Variants in BRINP3 observed in about 807,000 individuals in gnomAD.
BRINP3 encodes the protein BMP/retinoic acid-inducible neural-specific protein 3.
A neutral mutation model predicts 71.0 loss-of-function variants in BRINP3; 19 were observed. The observed-to-expected ratio is 0.27, with a 90% CI of 0.19 to 0.39. The LOEUF is 0.39. BRINP3 is among the 10% of genes least tolerant of loss of function. The pLI, the probability that BRINP3 is intolerant of heterozygous loss-of-function variation, is 1.00. For synonymous variants in BRINP3, 380 were observed against 337.7 expected, an observed-to-expected ratio of 1.13 and a Z score of -1.37; for missense variants, 959 against 940.8, an observed-to-expected ratio of 1.02 and a Z score of -0.25.
chr1:190,115,287 C>T (rs948430093), intron 7 of BRINP3, among the ~76,000 whole-genome samples: 1 of 152,094 alleles, frequency 6.6e-6, no homozygotes, highest in Non-Finnish European at 1.5e-5. Context: ...AAAAACAATT[C>T]TCAGCAAAGT....
At chr1:190,144,168 C>A (rs1485736128) in intron 7 of BRINP3, among the ~76,000 whole-genome samples, 1 of 152,112 alleles carries the variant, frequency 6.6e-6, no homozygotes, top group Middle Eastern at 3.2e-3. Flanking sequence ...CAATTAATGT[C>A]TTTTTGAAAT....
At chr1:190,157,571 T>A (rs1656977237) in intron 7 of BRINP3, among the ~76,000 whole-genome samples, 1 of 152,098 alleles carries the variant, frequency 6.6e-6, no homozygotes, top group Admixed American at 6.6e-5. Context: ...CTTCTTGCAC[T>A]TTCTATTTTG....
Position 190,397,230 on chromosome 1 carries a change from A to C in BRINP3, c.236+57425T>G, listed in dbSNP as rs560824827. ...TCTGGCCTTTTGCATACCATTTGCA[A>C]GCCATGAAGAATCAAGAAAAATACC... On this transcript the variant is annotated intron_variant, in intron 2 of 7. Transcript: ENST00000367462. Among the ~76,000 whole-genome samples, 3 of 152,108 alleles carry C rather than the reference A, an allele frequency of 2.0e-5. No homozygotes were observed. In the South Asian group the frequency reaches 6.2e-4, roughly 32 times the overall value.
intron 6 of BRINP3, among the ~76,000 whole-genome samples, chr1:190,164,251 A>G (rs1212483896): frequency 6.6e-6 from 1 of 152,186 alleles, no homozygotes; most frequent in Non-Finnish European, 1.5e-5. Flanking sequence ...AAGATATTCT[A>G]AAGCATTCTA....
chr1:190,234,490 A>G lies in BRINP3; in HGVS notation c.619-13T>C. The G allele has an allele frequency of 6.3e-7, 1 of 1,586,434 alleles. No individual in the cohort carries two copies. The stretch of plus-strand genomic sequence containing the variant: ...GTGTTTCTGTTACCTGGCAAACAAA[A>G]CATCAACTTTATTATCTAAATCAGA... On this transcript the variant is annotated splice_polypyrimidine_tract_variant and intron_variant, in intron 4 of 7. Transcript: ENST00000367462.
chr1:190,180,302 A>G (rs1294396313), intron 6 of BRINP3, among the ~76,000 whole-genome samples: 1 of 152,144 alleles, frequency 6.6e-6, no homozygotes, highest in Non-Finnish European at 1.5e-5. Flanking sequence ...AGGTGTATCC[A>G]AATTCAGAAT....
In BRINP3 at chr1:190,187,722, T is replaced by A. The variant is rs138273384; in HGVS notation, c.962-26832A>T. 2.9e-3 allele frequency among the ~76,000 whole-genome samples: 441 copies of A among 152,228 alleles called. 3 individuals carry two copies. Among genetic ancestry groups the A allele is most frequent in the African/African-American group, 0.01 (431 of 41,574 alleles). ...ATTTATTTCAGGACTTTCTTTTCTA[T>A]TCAATTGGTCTATTTCCATGCCAGT... On this transcript the variant is annotated intron_variant, in intron 6 of 7. Coordinates refer to ENST00000367462, the MANE Select transcript of BRINP3 (RefSeq NM_199051.3).
At chr1:190,351,932 A>G (rs1668413445) in intron 2 of BRINP3, among the ~76,000 whole-genome samples, 1 of 152,186 alleles carries the variant, frequency 6.6e-6, no homozygotes, top group Non-Finnish European at 1.5e-5. Context: ...TTATTTGAAT[A>G]TGCTTTGAAT....
At chr1:190,466,097 C>T (rs1676727348) in intron 1 of BRINP3, among the ~76,000 whole-genome samples, 2 of 150,684 alleles carry the variant, frequency 1.3e-5, no homozygotes, top group Admixed American at 6.6e-5. Flanking sequence ...ACAATATTGC[C>T]CCTGCACTTT....
At position 190,195,590 on chromosome 1, in the gene BRINP3, C is replaced by T. The variant is rs117312835; in HGVS notation, c.961+30492G>A. 5.5e-4 allele frequency among the ~76,000 whole-genome samples: 83 copies of T among 152,038 alleles called. No homozygotes were observed. The East Asian group carries it at 0.013, about 23-fold the overall frequency. ...CCTTCAAATTTTCCTATGTATTATA[C>T]GTATGAAGAATTCCTTTTCTTGTCT... On this transcript the variant is annotated intron_variant, in intron 6 of 7. Transcript: ENST00000367462.
intron 4 of BRINP3, among the ~76,000 whole-genome samples, chr1:190,251,222 T>A (rs1660112211): frequency 6.6e-6 from 1 of 151,986 alleles, no homozygotes; most frequent in Admixed American, 6.6e-5. Context: ...TCCTGAGTCC[T>A]ATGTATTTGC....
At chr1:190,441,545 AT>A (rs930870179) in intron 2 of BRINP3, among the ~76,000 whole-genome samples, 48 of 152,108 alleles carry the variant, frequency 3.2e-4, no homozygotes, top group African/African-American at 1.1e-3. Flanking sequence ...TTGAGGATAT[AT>A]TTTTTATTAT....
chr1:190,408,085 G>T (rs1007272425), intron 2 of BRINP3, among the ~76,000 whole-genome samples: 9 of 130,210 alleles, frequency 6.9e-5, no homozygotes, highest in Non-Finnish European at 7.8e-5. Context: ...GCAGTGGCAC[G>T]ATCTCGGCTC....
intron 2 of BRINP3, chr1:190,302,784 A>G (rs1009841452): frequency 6.6e-6 from 1 of 151,868 alleles, no homozygotes; most frequent in Non-Finnish European, 1.5e-5. Flanking sequence ...ATTAAGAATA[A>G]CTTTCAGGTA....
chr1:190,445,934 T>C lies in BRINP3; in HGVS notation c.236+8721A>G, dbSNP rs748657877. Among the ~76,000 whole-genome samples the C allele has an allele frequency of 1.1e-4, 16 of 152,304 alleles. 2 individuals are homozygous for C. Among genetic ancestry groups the C allele is most frequent in the Admixed American group, 8.5e-4 (13 of 15,298 alleles). ...TAATTGTGTTAACTAGCAATCTTGT[T>C]TATTTTGTCATTATAATAGTAACAA... On this transcript the variant is annotated intron_variant, in intron 2 of 7. Transcript: ENST00000367462.
intron 2 of BRINP3, among the ~76,000 whole-genome samples, chr1:190,327,340 AAAAAAAAAAAG>A (rs1666662644): frequency 1.4e-5 from 2 of 143,360 alleles, no homozygotes; most frequent in East Asian, 2.0e-4. Flanking sequence ...AAAAAAAAAA[AAAAAAAAAAAG>A]GAAAAAAAAA....
At chr1:190,207,112 A>G (rs1235253459) in intron 6 of BRINP3, among the ~76,000 whole-genome samples, 1 of 151,900 alleles carries the variant, frequency 6.6e-6, no homozygotes, top group African/African-American at 2.4e-5. Context: ...CTGAGCTCCT[A>G]GTCACTGGAA....
chr1:190,258,558 C>G (rs1204541337), intron 4 of BRINP3, among the ~76,000 whole-genome samples: 1 of 151,928 alleles, frequency 6.6e-6, no homozygotes, highest in Non-Finnish European at 1.5e-5. Flanking sequence ...AGTAAGGAAA[C>G]TAGAAATAAC....
intron 7 of BRINP3, among the ~76,000 whole-genome samples, chr1:190,156,220 T>C (rs934777826): frequency 4.6e-5 from 7 of 152,132 alleles, no homozygotes; most frequent in African/African-American, 1.7e-4. Flanking sequence ...TTAATCTATC[T>C]GTCATTATAT....
Sources: allele counts gnomAD v4.1 joint callset (sites outside exome capture counted in the v4.1 genomes callset), GRCh38; gene constraint gnomAD v4.1.1; transcripts MANE v1.5; gene names NCBI Gene and HGNC (gene_info 2026-07-23, HGNC 2026-07-21).